DNAJB12: variants seen among roughly 807,000 people sequenced by gnomAD.
The protein encoded by DNAJB12 is DnaJ heat shock protein family (Hsp40) member B12, also known as dnaJ homolog subfamily B member 12.
In DNAJB12, 14 loss-of-function variants were observed where a neutral mutation model predicts 40.6. That is an observed-to-expected ratio of 0.34 (90% CI 0.23 to 0.54). DNAJB12 has a LOEUF of 0.54. Among genes scored for constraint, DNAJB12 ranks in the 20% least tolerant of loss-of-function variants. The pLI is 0.92. For missense variants in DNAJB12, 444 were observed against 501.7 expected (o/e 0.89, Z 1.10); for synonymous variants, 181 against 199.5 (o/e 0.91, Z 0.78).
chr10:72,342,430 C>G (rs1429699019), intron 3 of DNAJB12, among the ~76,000 whole-genome samples: 1 of 152,228 alleles, frequency 6.6e-6, no homozygotes, highest in Non-Finnish European at 1.5e-5. Flanking sequence ...GCTGGCCTCT[C>G]GGTACAGTCG....
intron 8 of DNAJB12, chr10:72,334,861 G>A (rs1280555290): frequency 4.5e-6 from 6 of 1,330,536 alleles, no homozygotes; most frequent in Non-Finnish European, 5.7e-6. Context: ...GGTGGGCAGG[G>A]CACCCACACA....
rs777775540 is a variant in DNAJB12, at chr10:72,335,325, T to TG, written c.*30+454dup. Reference sequence around the variant, plus strand: ...GGCTCTTGGCCCACCTATTCCCACATGGTTCTTCCTGGTATCAGGCAGGCA... The same window carrying TG: ...GGCTCTTGGCCCACCTATTCCCACATGGGTTCTTCCTGGTATCAGGCAGGCA... On this transcript the variant is annotated intron_variant, in intron 8 of 8. Coordinates refer to ENST00000444643, the MANE Select transcript of DNAJB12 (RefSeq NM_017626.7). This position sits in a 1 kb window ranked among gnomAD's most constrained non-coding sequence, Gnocchi z 4.4. 29 of 988,258 alleles carry TG rather than the reference T, an allele frequency of 2.9e-5. No homozygotes were observed. Among genetic ancestry groups the TG allele is most frequent in the Non-Finnish European group, 3.5e-5 (29 of 831,614 alleles). 61.2% of individuals were successfully genotyped at this position (988,258 alleles called of 1,614,324 possible). A position where few individuals can be genotyped will look rare whatever the true frequency, so the allele number is the denominator to read the frequency against.
chr10:72,341,941 A>C (rs1861650713), intron 3 of DNAJB12, among the ~76,000 whole-genome samples: 2 of 152,186 alleles, frequency 1.3e-5, no homozygotes, highest in Admixed American at 1.3e-4. Context: ...TATGAAAACC[A>C]CCAAAAACCT....
chr10:72,334,572 C>T lies in DNAJB12; in HGVS notation c.*76G>A. 1 of 1,535,742 alleles carries T rather than the reference C, an allele frequency of 6.5e-7. No homozygotes were observed. Among genetic ancestry groups the T allele is most frequent in the African/African-American group, 1.4e-5 (1 of 73,138 alleles). Reference sequence around the variant, plus strand: ...TTTCCTCAAATATACAGTCCATCACCTTGGCTCAGTGCATGTCACCAAAAA... The same window carrying T: ...TTTCCTCAAATATACAGTCCATCACTTTGGCTCAGTGCATGTCACCAAAAA... On this transcript the variant is annotated 3_prime_UTR_variant, in exon 9 of 9. Transcript: ENST00000444643.
chr10:72,338,106 C>A, intron 6 of DNAJB12, 96 bp downstream of exon 6: 1 of 1,034,486 alleles, frequency 9.7e-7, no homozygotes, highest in Non-Finnish European at 1.5e-6. Flanking sequence ...TATGATCGCA[C>A]ACTGGCTGGA....
At chr10:72,342,812 A>G (rs1382243261) in intron 3 of DNAJB12, among the ~76,000 whole-genome samples, 1 of 152,246 alleles carries the variant, frequency 6.6e-6, no homozygotes, top group Non-Finnish European at 1.5e-5. Flanking sequence ...AGGGCAGCTT[A>G]CGATTTCAGC....
In DNAJB12 at chr10:72,346,712, C is replaced by T. The variant is rs572269246; in HGVS notation, c.134-1585G>A. 7.9e-5 allele frequency among the ~76,000 whole-genome samples: 12 copies of T among 152,078 alleles called. No individual in the cohort carries two copies. The East Asian group carries it at 1.4e-3, about 17-fold the overall frequency. ...CTGACCTCAAGTGATCTGCCCACCTCGGGTTCCCAAAGTGCTGGGATTACA... is the reference window on the plus strand; with the variant it reads ...CTGACCTCAAGTGATCTGCCCACCTTGGGTTCCCAAAGTGCTGGGATTACA... On this transcript the variant is annotated intron_variant, in intron 1 of 8. Transcript: ENST00000444643.
chr10:72,336,069 A>G, intron 7 of DNAJB12, 138 bp from the exon 8 acceptor site: 3 of 1,063,712 alleles, frequency 2.8e-6, no homozygotes, highest in Non-Finnish European at 4.2e-6. Context: ...CATTAGGAAG[A>G]CCATGGAGGA....
chr10:72,352,159 G>A (rs192619445), intron 1 of DNAJB12, among the ~76,000 whole-genome samples: 82 of 152,276 alleles, frequency 5.4e-4, no homozygotes, highest in African/African-American at 1.8e-3. Flanking sequence ...AACAGTGCCC[G>A]TACTTTATTC....
At chr10:72,339,225 C>A (rs964472267) in intron 5 of DNAJB12, among the ~76,000 whole-genome samples, 1 of 124,068 alleles carries the variant, frequency 8.1e-6, no homozygotes, top group Non-Finnish European at 1.6e-5. Flanking sequence ...GGTGACAGAA[C>A]GAGACCCTGT....
Position 72,354,908 on chromosome 10 carries a change from G to C in DNAJB12, c.-11C>G, listed in dbSNP as rs1301129918. The C allele has an allele frequency of 1.9e-6, 3 of 1,613,858 alleles. No individual in the cohort carries two copies. The highest frequency in any genetic ancestry group is 2.2e-5 in the East Asian group (1 of 44,862). ...CTTGTTGGATTCCATGGCGGAACCAGAACGCGGAACCAGGGAGGGGGAGGC... is the reference window on the plus strand; with the variant it reads ...CTTGTTGGATTCCATGGCGGAACCACAACGCGGAACCAGGGAGGGGGAGGC... On this transcript the variant is annotated 5_prime_UTR_variant, in exon 1 of 9. Coordinates refer to ENST00000444643, the MANE Select transcript of DNAJB12 (RefSeq NM_017626.7).
Position 72,354,756 on chromosome 10 carries a change from C to T in DNAJB12, c.133+9G>A. 5 of 1,609,602 alleles carry T rather than the reference C, an allele frequency of 3.1e-6. No homozygotes were observed. The highest frequency in any genetic ancestry group is 4.2e-6 in the Non-Finnish European group (5 of 1,178,106). On this transcript the variant is annotated intron_variant, in intron 1 of 8. Coordinates refer to ENST00000444643, the MANE Select transcript of DNAJB12 (RefSeq NM_017626.7). ...AATGTCCCCAGTCTCTCCGGCACCT[C>T]ACACTCACCGCGAACTCGCGGCGTC...
chr10:72,350,755 C>T (rs1861915856), intron 1 of DNAJB12, among the ~76,000 whole-genome samples: 1 of 152,098 alleles, frequency 6.6e-6, no homozygotes, highest in South Asian at 2.1e-4. Flanking sequence ...TTAGCTGGTT[C>T]CTGAGTGGAG....
chr10:72,341,280 G>A, intron 3 of DNAJB12, 110 bp from the exon 4 acceptor site: 2 of 1,076,738 alleles, frequency 1.9e-6, no homozygotes, highest in Non-Finnish European at 2.7e-6. Flanking sequence ...GCTTTAGGAA[G>A]CAGACGTCCT....
At chr10:72,338,518 G>A (rs1175327179) in intron 5 of DNAJB12, among the ~76,000 whole-genome samples, 6 of 151,518 alleles carry the variant, frequency 4.0e-5, no homozygotes, top group Non-Finnish European at 8.8e-5. Flanking sequence ...TGAAATACAG[G>A]AGGAAGTGAG....
chr10:72,350,803 A>C (rs1462297490), intron 1 of DNAJB12, among the ~76,000 whole-genome samples: 1 of 152,182 alleles, frequency 6.6e-6, no homozygotes, highest in Non-Finnish European at 1.5e-5. Context: ...TCTGAGGGGT[A>C]AATAAGATTC....
At chr10:72,340,914 G>C (rs1333488296) in intron 4 of DNAJB12, 46 bp from the exon 5 acceptor site, 2 of 1,609,668 alleles carry the variant, frequency 1.2e-6, no homozygotes, top group Admixed American at 1.7e-5. Flanking sequence ...TGTTGGGAAA[G>C]GGAGAGGCTG....
chr10:72,342,544 AC>A (rs1226009615), intron 3 of DNAJB12, among the ~76,000 whole-genome samples: 1 of 151,936 alleles, frequency 6.6e-6, no homozygotes, highest in East Asian at 1.9e-4. Flanking sequence ...GACACTGCAC[AC>A]CAGGTCTCGG....
chr10:72,346,856 T>C (rs1161311544), intron 1 of DNAJB12, among the ~76,000 whole-genome samples: 2 of 152,250 alleles, frequency 1.3e-5, no homozygotes, highest in Non-Finnish European at 2.9e-5. Flanking sequence ...TGAATCCATT[T>C]TTTTCTACTG....
Sources: allele counts gnomAD v4.1 joint callset (sites outside exome capture counted in the v4.1 genomes callset), GRCh38; gene constraint gnomAD v4.1.1; non-coding constraint Gnocchi (gnomAD v3.1); transcripts MANE v1.5; gene names NCBI Gene and HGNC (gene_info 2026-07-23, HGNC 2026-07-21).